The following PRKG1 variants were observed in gnomAD, a reference collection of about 807,000 sequenced individuals.
The protein encoded by PRKG1 is protein kinase cGMP-dependent 1.
A neutral mutation model predicts 88.1 loss-of-function variants in PRKG1; 35 were observed. That is an observed-to-expected ratio of 0.40 (90% confidence interval 0.30 to 0.53). PRKG1 has a LOEUF of 0.53. Ranked by LOEUF, PRKG1 falls within the 20% of genes least tolerant of loss-of-function variation. The pLI is 0.59. For missense variants in PRKG1, 540 were observed against 839.8 expected, an observed-to-expected ratio of 0.64 and a Z score of 4.41; for synonymous variants, 303 against 292.5, an observed-to-expected ratio of 1.04 and a Z score of -0.37.
At chr10:52,173,992 C>T (rs1838784055) in intron 9 of PRKG1, among the ~76,000 whole-genome samples, 1 of 151,986 alleles carries the variant, frequency 6.6e-6, no homozygotes, top group Non-Finnish European at 1.5e-5. Context: ...TTGGTTCAGC[C>T]CAGTATGCCT....
At chr10:51,912,427 G>A (rs561591806) in intron 5 of PRKG1, among the ~76,000 whole-genome samples, 1 of 152,284 alleles carries the variant, frequency 6.6e-6, no homozygotes, top group South Asian at 2.1e-4. Context: ...GGATTACTGA[G>A]GGAAAGGCCA....
At chr10:51,790,696 C>T (rs1248740749) in intron 3 of PRKG1, among the ~76,000 whole-genome samples, 1 of 152,112 alleles carries the variant, frequency 6.6e-6, no homozygotes, top group Non-Finnish European at 1.5e-5. Flanking sequence ...TTCTAGACAT[C>T]TGATCTTTTG....
At chr10:51,706,853 T>G (rs1267245881) in intron 3 of PRKG1, among the ~76,000 whole-genome samples, 1 of 152,214 alleles carries the variant, frequency 6.6e-6, no homozygotes, top group East Asian at 1.9e-4. Context: ...GTGGAATACA[T>G]GATATACTTA....
chr10:52,220,056 A>T (rs1334115259), intron 9 of PRKG1, among the ~76,000 whole-genome samples: 1 of 152,162 alleles, frequency 6.6e-6, no homozygotes, highest in Non-Finnish European at 1.5e-5. Flanking sequence ...AAAAAGTGAC[A>T]TTACTTTCCC....
chr10:51,011,749 C>T (rs1330438934), intron 1 of PRKG1, among the ~76,000 whole-genome samples: 1 of 152,182 alleles, frequency 6.6e-6, no homozygotes, highest in Non-Finnish European at 1.5e-5. Context: ...ACTCTGGGTT[C>T]AGTTGTGGTT....
At chr10:51,735,799 A>G (rs1306947265) in intron 3 of PRKG1, among the ~76,000 whole-genome samples, 2 of 148,528 alleles carry the variant, frequency 1.3e-5, no homozygotes, top group Non-Finnish European at 3.0e-5. Context: ...TTTTTTTCAA[A>G]TGTTTTCTAT....
chr10:51,564,683 G>A (rs28499169), intron 3 of PRKG1, among the ~76,000 whole-genome samples: 10,511 of 152,070 alleles, frequency 0.069, 1,181 homozygotes, highest in African/African-American at 0.24. Flanking sequence ...CTTTCTTTAC[G>A]CACAGGTAAT....
At chr10:51,744,667 CTG>C (rs1215085779) in intron 3 of PRKG1, among the ~76,000 whole-genome samples, 4 of 152,140 alleles carry the variant, frequency 2.6e-5, no homozygotes, top group Admixed American at 2.0e-4. Context: ...TTTTTTATGA[CTG>C]GAGATTTTTG....
chr10:52,033,422 A>G (rs958578402), intron 5 of PRKG1, among the ~76,000 whole-genome samples: 2 of 152,200 alleles, frequency 1.3e-5, no homozygotes, highest in East Asian at 3.9e-4. Context: ...ACTTGCACAC[A>G]CATGTTGCTC....
chr10:51,922,026 A>G (rs879074886), intron 5 of PRKG1, among the ~76,000 whole-genome samples: 2 of 151,798 alleles, frequency 1.3e-5, no homozygotes, highest in Non-Finnish European at 2.9e-5. Flanking sequence ...TTACCTGTGA[A>G]TCTATTAGGG....
chr10:52,267,766 G>A (rs375603337), intron 10 of PRKG1, among the ~76,000 whole-genome samples: 10 of 151,936 alleles, frequency 6.6e-5, no homozygotes, highest in Middle Eastern at 3.4e-3. Flanking sequence ...TTATTTTTCC[G>A]TAATGTTAAA....
chr10:51,751,045 A>G (rs1045271031), intron 3 of PRKG1, among the ~76,000 whole-genome samples: 1 of 152,182 alleles, frequency 6.6e-6, no homozygotes, highest in African/African-American at 2.4e-5. Flanking sequence ...AGAGAATTTT[A>G]GATTAAGATC....
chr10:51,663,419 T>A (rs964178361), intron 3 of PRKG1, among the ~76,000 whole-genome samples: 1 of 152,042 alleles, frequency 6.6e-6, no homozygotes, highest in Non-Finnish European at 1.5e-5. Context: ...GAAAACAATT[T>A]TCTGGCTGGA....
chr10:51,805,366 AT>A (rs1363831737), intron 4 of PRKG1, among the ~76,000 whole-genome samples: 1 of 152,002 alleles, frequency 6.6e-6, no homozygotes, highest in Admixed American at 6.6e-5. Flanking sequence ...ACTGAAATGA[AT>A]TTCTTTGTCT....
At chr10:51,287,145 G>A (rs1840462467) in intron 2 of PRKG1, among the ~76,000 whole-genome samples, 1 of 152,110 alleles carries the variant, frequency 6.6e-6, no homozygotes. Context: ...CCAAAGTGCT[G>A]GTATTACACG....
chr10:51,451,133 T>C lies in PRKG1; in HGVS notation c.479-16590T>C, dbSNP rs1199178940. 2.0e-5 allele frequency among the ~76,000 whole-genome samples: 3 copies of C among 151,830 alleles called. No homozygotes were observed. The East Asian group carries it at 5.8e-4, about 29-fold the overall frequency. ...AATAACTAAAATAATATAAAATAAA[T>C]TTGTGATTTACTAATAGGTGTTATT... On this transcript the variant is annotated intron_variant, in intron 2 of 17. Transcript: ENST00000373980.
At chr10:51,772,468 A>G (rs2132547824) in intron 3 of PRKG1, among the ~76,000 whole-genome samples, 1 of 152,268 alleles carries the variant, frequency 6.6e-6, no homozygotes, top group East Asian at 1.9e-4. Flanking sequence ...AAAAAATAAC[A>G]TTAAAGCAGG....
At chr10:52,183,908 G>T (rs1409086321) in intron 9 of PRKG1, among the ~76,000 whole-genome samples, 1 of 152,208 alleles carries the variant, frequency 6.6e-6, no homozygotes, top group Non-Finnish European at 1.5e-5. Flanking sequence ...AATGGGGGCT[G>T]CTAGTGTTCT....
At chr10:51,796,971 T>C (rs1029620673) in intron 3 of PRKG1, among the ~76,000 whole-genome samples, 5 of 151,988 alleles carry the variant, frequency 3.3e-5, no homozygotes, top group African/African-American at 1.2e-4. Context: ...TTGCTTGGAG[T>C]CTTGCAAGCA....
Sources: gnomAD v4.1 joint callset for allele counts (sites outside exome capture counted in the v4.1 genomes callset) on GRCh38, gnomAD v4.1.1 for gene constraint, MANE v1.5 for transcripts, NCBI Gene and HGNC (gene_info 2026-07-23, HGNC 2026-07-21) for gene names.